The following CERS6 variants were observed in gnomAD, a reference collection of about 807,000 sequenced individuals.
CERS6 encodes the protein LAG1 homolog, ceramide synthase 6.
In CERS6, 26 loss-of-function variants were observed where a neutral mutation model predicts 56.8. The ratio of observed to expected loss-of-function variants is 0.46; its 90% confidence interval spans 0.34 to 0.63. CERS6 has a LOEUF of 0.63. Ranked by LOEUF, CERS6 falls within the 30% of genes least tolerant of loss-of-function variation. The pLI is 0.01. For missense variants in CERS6, 415 were observed against 467.5 expected, an observed-to-expected ratio of 0.89 and a Z score of 1.04; for synonymous variants, 164 against 173.3, an observed-to-expected ratio of 0.95 and a Z score of 0.42.
chr2:168,550,855 C>T (rs904669875), intron 2 of CERS6, among the ~76,000 whole-genome samples: 2 of 152,226 alleles, frequency 1.3e-5, no homozygotes, highest in African/African-American at 4.8e-5. Flanking sequence ...CCCCCACTCT[C>T]TGTGTTTGCA....
chr2:168,669,801 T>C, intron 4 of CERS6, among the ~76,000 whole-genome samples: 1 of 152,174 alleles, frequency 6.6e-6, no homozygotes, highest in East Asian at 1.9e-4. Context: ...AATTAGGAGA[T>C]TGTCATAAGA....
rs537609547 is a variant in CERS6, at chr2:168,618,854, A to G, written c.408-12131A>G. On this transcript the variant is annotated intron_variant, in intron 3 of 9. Transcript: ENST00000305747. ...CAATTTCCATCAAAATACTACCATC[A>G]TTCTTAACAGAACTAGAAAAGCAAT... 4.6e-5 allele frequency among the ~76,000 whole-genome samples: 7 copies of G among 152,330 alleles called. No individual in the cohort carries two copies. In the East Asian group the frequency reaches 7.7e-4, roughly 17 times the overall value.
chr2:168,670,974 C>CT, intron 4 of CERS6, among the ~76,000 whole-genome samples: 1 of 68,246 alleles, frequency 1.5e-5, no homozygotes, highest in African/African-American at 3.5e-5. Context: ...CTTCCCCCCC[C>CT]CCCCCCAGAC....
At chr2:168,555,473 G>A (rs1477681269) in intron 2 of CERS6, among the ~76,000 whole-genome samples, 3 of 151,804 alleles carry the variant, frequency 2.0e-5, no homozygotes, top group African/African-American at 7.3e-5. Context: ...AAGTAGTAAC[G>A]ATAAGCTAAA....
intron 3 of CERS6, among the ~76,000 whole-genome samples, chr2:168,618,991 G>A (rs930937182): frequency 4.6e-5 from 7 of 152,128 alleles, no homozygotes; most frequent in Non-Finnish European, 1.0e-4. Flanking sequence ...CACCAAAACA[G>A]CATGGTACTG....
intron 4 of CERS6, among the ~76,000 whole-genome samples, chr2:168,631,387 T>C (rs572831316): frequency 1.0e-3 from 136 of 136,472 alleles, no homozygotes; most frequent in Middle Eastern, 7.3e-3. Context: ...AATAACTATA[T>C]ATATTATATA....
At chr2:168,494,697 G>T (rs769616324) in intron 1 of CERS6, among the ~76,000 whole-genome samples, 4 of 152,120 alleles carry the variant, frequency 2.6e-5, no homozygotes, top group Non-Finnish European at 5.9e-5. Context: ...TGATTGAGGG[G>T]ACTTATATAC....
chr2:168,458,002 A>G (rs1362808412), intron 1 of CERS6, among the ~76,000 whole-genome samples: 1 of 152,178 alleles, frequency 6.6e-6, no homozygotes, highest in African/African-American at 2.4e-5. Context: ...TTGATCCTAT[A>G]CAAAAAAGGA....
At position 168,464,104 on chromosome 2, in the gene CERS6, G is replaced by A. The variant is rs1319612684; in HGVS notation, c.170+7486G>A. On this transcript the variant is annotated intron_variant, in intron 1 of 9. Coordinates refer to ENST00000305747, the MANE Select transcript of CERS6 (RefSeq NM_203463.3). ...TCTGTAAGAAATTGGTGGCCTTCAGGTTTTTTCTTACTTCTTAATGTGGAG... is the reference window on the plus strand; with the variant it reads ...TCTGTAAGAAATTGGTGGCCTTCAGATTTTTTCTTACTTCTTAATGTGGAG... 9.9e-5 allele frequency among the ~76,000 whole-genome samples: 15 copies of A among 151,242 alleles called. 1 individual carries two copies. The highest frequency in any genetic ancestry group is 1.6e-4 in the Non-Finnish European group (11 of 67,856).
At chr2:168,603,540 G>A (rs1683982957) in intron 3 of CERS6, among the ~76,000 whole-genome samples, 1 of 152,168 alleles carries the variant, frequency 6.6e-6, no homozygotes, top group Non-Finnish European at 1.5e-5. Context: ...TGATTAAACT[G>A]GCCGTACCAG....
chr2:168,577,004 A>G (rs970004900), intron 3 of CERS6, among the ~76,000 whole-genome samples: 3 of 152,162 alleles, frequency 2.0e-5, no homozygotes, highest in African/African-American at 7.2e-5. Flanking sequence ...GTGAATCTGG[A>G]GGTATCTATT....
At position 168,756,193 on chromosome 2, in the gene CERS6, T is replaced by C. The variant is rs547792574; in HGVS notation, c.846-9399T>C. 2.6e-5 allele frequency among the ~76,000 whole-genome samples: 4 copies of C among 152,324 alleles called. No individual in the cohort carries two copies. The East Asian group carries it at 5.8e-4, about 22-fold the overall frequency. ...ATGGGAGGCTGGTTTTATACTCTTT[T>C]AGAAAACTGGAAAAGTAAGTCCCTG... On this transcript the variant is annotated intron_variant, in intron 8 of 9. Transcript: ENST00000305747.
intron 2 of CERS6, among the ~76,000 whole-genome samples, chr2:168,555,722 C>CTCTCTGTG (rs1261403157): frequency 2.0e-4 from 28 of 141,010 alleles, no homozygotes; most frequent in African/African-American, 6.6e-4. Flanking sequence ...ATAATTGACT[C>CTCTCTGTG]TGTGTGTGTG....
At position 168,569,533 on chromosome 2, in the gene CERS6, G is replaced by A. The variant is rs559606844; in HGVS notation, c.407+8211G>A. ...AGAGAGTGTGAATGTGTGTGTGCGCGTGCACACGCGTGTGTGCATATATAC... is the reference window on the plus strand; with the variant it reads ...AGAGAGTGTGAATGTGTGTGTGCGCATGCACACGCGTGTGTGCATATATAC... On this transcript the variant is annotated intron_variant, in intron 3 of 9. Transcript: ENST00000305747. Among the ~76,000 whole-genome samples the A allele has an allele frequency of 4.6e-5, 7 of 152,310 alleles. No individual in the cohort carries two copies. In the South Asian group the frequency reaches 6.2e-4, roughly 14 times the overall value.
chr2:168,751,052 T>C (rs765095587), intron 8 of CERS6, among the ~76,000 whole-genome samples: 11 of 152,196 alleles, frequency 7.2e-5, no homozygotes, highest in Non-Finnish European at 1.3e-4. Flanking sequence ...ATGCAAAACA[T>C]AGCTGTGGTC....
chr2:168,641,419 A>G (rs752580812), intron 4 of CERS6, among the ~76,000 whole-genome samples: 24 of 152,160 alleles, frequency 1.6e-4, no homozygotes, highest in Non-Finnish European at 2.5e-4. Context: ...GAAGCATAAA[A>G]CTGTCACCTA....
At chr2:168,499,980 C>CT (rs1016388303) in intron 1 of CERS6, among the ~76,000 whole-genome samples, 1 of 152,116 alleles carries the variant, frequency 6.6e-6, no homozygotes, top group Non-Finnish European at 1.5e-5. Context: ...TTTGTGCAGG[C>CT]TGTCAGAGCA....
Position 168,774,983 on chromosome 2 carries a change from A to G in CERS6, c.*5321A>G, listed in dbSNP as rs1173383820. The G allele has an allele frequency of 6.6e-6, 1 of 152,210 alleles. No homozygotes were observed. The highest frequency in any genetic ancestry group is 1.5e-5 in the Non-Finnish European group (1 of 68,042). The allele number at this position is 152,210 out of a possible 1,614,324, so 9.4% of individuals were successfully genotyped here. Reference sequence around the variant, plus strand: ...GAAATGGAATGAAATACTGTTAGCCAATTAGAATTATTTTATGTATTGTTA... The same window carrying G: ...GAAATGGAATGAAATACTGTTAGCCGATTAGAATTATTTTATGTATTGTTA... On this transcript the variant is annotated 3_prime_UTR_variant, in exon 10 of 10. Coordinates refer to ENST00000305747, the MANE Select transcript of CERS6 (RefSeq NM_203463.3).
rs13393637 is a variant in CERS6 at position 168,502,943 on chromosome 2, G to T, written c.171-44653G>T. ...AAAGTCCATGCAGGGTGAGAGAAGG[G>T]TGTCTTATATGGTTTGGCTCTGTGT... is the stretch of plus-strand genomic sequence containing the variant. On this transcript the variant is annotated intron_variant, in intron 1 of 9. Transcript: ENST00000305747. Among the ~76,000 whole-genome samples, 539 of 152,252 alleles carry T rather than the reference G, an allele frequency of 3.5e-3. 2 individuals carry two copies. The highest frequency in any genetic ancestry group is 0.012 in the African/African-American group (501 of 41,552).
Sources: gnomAD v4.1 joint callset for allele counts (sites outside exome capture counted in the v4.1 genomes callset) on GRCh38, gnomAD v4.1.1 for gene constraint, MANE v1.5 for transcripts, NCBI Gene and HGNC (gene_info 2026-07-23, HGNC 2026-07-21) for gene names.